The following RUNX1T1 variants were observed in gnomAD, a reference collection of about 807,000 sequenced individuals.
The protein encoded by RUNX1T1 is RUNX1 partner transcriptional co-repressor 1.
RUNX1T1 carries 4 observed loss-of-function variants against 62.8 expected under a neutral mutation model. The ratio of observed to expected loss-of-function variants is 0.06; its 90% confidence interval spans 0.03 to 0.15. The LOEUF is 0.15. Among genes scored for constraint, RUNX1T1 ranks in the 10% least tolerant of loss-of-function variants. The pLI is 1.00. For missense variants in RUNX1T1, 508 were observed against 754.3 expected (o/e 0.67, Z 3.82); for synonymous variants, 291 against 286.0 (o/e 1.02, Z -0.18).
At chr8:92,005,024 G>C (rs150603368) in intron 5 of RUNX1T1, 92 bp downstream of exon 6, 9 of 1,103,424 alleles carry the variant, frequency 8.2e-6, no homozygotes, top group Non-Finnish European at 1.0e-5. Context: ...GAATGACATA[G>C]GCCAGCGGTT....
chr8:92,025,149 A>T (rs1309891074), intron 1 of RUNX1T1, among the ~76,000 whole-genome samples: 1 of 152,170 alleles, frequency 6.6e-6, no homozygotes, highest in Non-Finnish European at 1.5e-5. Context: ...GACCTATTCA[A>T]CAAGTCATTG....
At chr8:92,059,041 A>G (rs968171115) in intron 1 of RUNX1T1, among the ~76,000 whole-genome samples, 16 of 152,228 alleles carry the variant, frequency 1.1e-4, no homozygotes, top group African/African-American at 3.9e-4. Flanking sequence ...TGAAATATTA[A>G]CAGAAAAGAA....
At chr8:92,097,298 A>C (rs1335208676) in intron 1 of RUNX1T1, among the ~76,000 whole-genome samples, 1 of 152,200 alleles carries the variant, frequency 6.6e-6, no homozygotes, top group Non-Finnish European at 1.5e-5. Flanking sequence ...ACATTACAAA[A>C]TCCAGTGAGC....
At chr8:91,984,724 A>G (rs1816174892) in intron 8 of RUNX1T1, among the ~76,000 whole-genome samples, 2 of 152,192 alleles carry the variant, frequency 1.3e-5, no homozygotes, top group African/African-American at 4.8e-5. Context: ...ATGATTAATC[A>G]ATTTTTGTTC....
At chr8:92,017,594 T>C (rs1479749278) in intron 1 of RUNX1T1, 3 of 1,392,342 alleles carry the variant, frequency 2.2e-6, no homozygotes, top group African/African-American at 2.9e-5. Flanking sequence ...TTATATCCTA[T>C]TGTTATTTCT....
At chr8:92,045,409 T>C (rs1217613886) in intron 1 of RUNX1T1, among the ~76,000 whole-genome samples, 3 of 152,160 alleles carry the variant, frequency 2.0e-5, no homozygotes, top group Admixed American at 1.3e-4. Context: ...GATCCTACTA[T>C]TGTAAGAGTC....
chr8:92,015,560 C>T (rs1180602635), intron 2 of RUNX1T1, among the ~76,000 whole-genome samples: 1 of 152,150 alleles, frequency 6.6e-6, no homozygotes, highest in Non-Finnish European at 1.5e-5. Flanking sequence ...ATCCCTGTCA[C>T]TCTGTAACCC....
upstream of RUNX1T1, among the ~76,000 whole-genome samples, chr8:92,101,459 C>A (rs1838031084): frequency 6.6e-6 from 1 of 152,146 alleles, no homozygotes; most frequent in Non-Finnish European, 1.5e-5. Flanking sequence ...CCACGGGAAT[C>A]CTAGCTATTC....
exon 8 of RUNX1T1, chr8:91,986,197 T>A: frequency 1.9e-6 from 3 of 1,614,154 alleles, no homozygotes; most frequent in Non-Finnish European, 2.5e-6. Flanking sequence ...CACCTTTTTT[T>A]AAGTCCTCGG....
At chr8:91,991,805 C>T (rs781754159) in exon 6 of RUNX1T1, 3 of 1,613,972 alleles carry the variant, frequency 1.9e-6, no homozygotes, top group East Asian at 2.2e-5. Context: ...TTGGACTGTA[C>T]CGCTGGCCTG....
chr8:92,065,173 T>TA (rs763052952), upstream of RUNX1T1, among the ~76,000 whole-genome samples: 10 of 152,138 alleles, frequency 6.6e-5, no homozygotes, highest in South Asian at 2.1e-4. Flanking sequence ...TTTTCGTTCA[T>TA]AAAAATAAAT....
chr8:92,053,888 C>T (rs555799585), intron 1 of RUNX1T1, among the ~76,000 whole-genome samples: 56 of 152,162 alleles, frequency 3.7e-4, no homozygotes, highest in African/African-American at 1.3e-3. Flanking sequence ...TAAATGGCAG[C>T]TTTATCAAGG....
intron 10 of RUNX1T1, among the ~76,000 whole-genome samples, chr8:91,968,254 C>T (rs371602293): frequency 5.3e-5 from 8 of 152,140 alleles, no homozygotes; most frequent in Middle Eastern, 3.4e-3. Flanking sequence ...TTCAACTTAT[C>T]AATGAAGACA....
rs183042724 is a variant in RUNX1T1 at position 92,082,845 on chromosome 8, C to T, written c.-85-6708G>A. Among the ~76,000 whole-genome samples, 313 of 152,016 alleles carry T rather than the reference C, an allele frequency of 2.1e-3. 1 individual carries two copies. Among genetic ancestry groups the T allele is most frequent in the Non-Finnish European group, 3.7e-3 (254 of 67,978 alleles). On this transcript the variant is annotated intron_variant, in intron 1 of 11. Transcript: ENST00000265814. ...GGGTCCTGGAGGAAGAGTACTCAGA[C>T]TGGGGATCTGTCCAGAAAGCAGATA... is the stretch of plus-strand genomic sequence containing the variant.
exon 1 of RUNX1T1, chr8:92,062,865 C>T: frequency 1.4e-6 from 2 of 1,390,552 alleles, no homozygotes; most frequent in African/African-American, 1.4e-5. Context: ...CAACCCCTAC[C>T]CTCCCCTTAG....
chr8:92,100,698 G>A (rs1405562631), upstream of RUNX1T1, among the ~76,000 whole-genome samples: 1 of 151,898 alleles, frequency 6.6e-6, no homozygotes, highest in Non-Finnish European at 1.5e-5. Flanking sequence ...AAAAAAATCA[G>A]TAAAGGAAAA....
At chr8:91,983,095 T>C (rs76208217) in intron 8 of RUNX1T1, among the ~76,000 whole-genome samples, 1 of 138,340 alleles carries the variant, frequency 7.2e-6, no homozygotes, top group Non-Finnish European at 1.5e-5. Flanking sequence ...GCCTGGCTAA[T>C]TTTTTTTTTT....
chr8:92,062,777 A>C, exon 1 of RUNX1T1: 1 of 1,507,358 alleles, frequency 6.6e-7, no homozygotes, highest in Non-Finnish European at 8.8e-7. Context: ...GTGGAGGATG[A>C]CAGGAGCACA....
At chr8:91,981,033 T>C (rs556921070) in intron 8 of RUNX1T1, among the ~76,000 whole-genome samples, 1 of 152,300 alleles carries the variant, frequency 6.6e-6, no homozygotes, top group South Asian at 2.1e-4. Flanking sequence ...ACTTCTACTA[T>C]GTGTCAGGCA....
Sources: gnomAD v4.1 joint callset for allele counts (sites outside exome capture counted in the v4.1 genomes callset) on GRCh38, gnomAD v4.1.1 for gene constraint, MANE v1.5 for transcripts, NCBI Gene and HGNC (gene_info 2026-07-23, HGNC 2026-07-21) for gene names.